SCNN1B: variants seen among roughly 807,000 people sequenced by gnomAD.
SCNN1B encodes epithelial sodium channel subunit beta.
SCNN1B carries 46 observed loss-of-function variants against 65.3 expected under a neutral mutation model. The observed-to-expected ratio is 0.70, with a 90% CI of 0.56 to 0.90. The LOEUF is 0.90. SCNN1B is among the 40% of genes least tolerant of loss of function. The pLI is 0.00. For missense variants in SCNN1B, 751 were observed against 830.5 expected (o/e 0.90, Z 1.18); for synonymous variants, 349 against 330.6 (o/e 1.06, Z -0.60).
chr16:23,339,000 A>C (rs1489042218), intron 1 of SCNN1B, among the ~76,000 whole-genome samples: 2 of 152,238 alleles, frequency 1.3e-5, no homozygotes, highest in African/African-American at 4.8e-5. Context: ...CATCGTCTCC[A>C]AAAGGCTCCC....
At chr16:23,346,557 C>G (rs1305165494) in intron 1 of SCNN1B, among the ~76,000 whole-genome samples, 1 of 152,036 alleles carries the variant, frequency 6.6e-6, no homozygotes, top group African/African-American at 2.4e-5. Flanking sequence ...TTGATGGCAT[C>G]ACACCCTCAT....
chr16:23,289,474 C>T (rs1960893235), intron 2 of SCNN1B, among the ~76,000 whole-genome samples: 1 of 151,780 alleles, frequency 6.6e-6, no homozygotes, highest in African/African-American at 2.4e-5. Flanking sequence ...TCGATTAAGC[C>T]CAGGAGTTTG....
intron 4 of SCNN1B, among the ~76,000 whole-genome samples, chr16:23,356,004 G>GGCT (rs1440153617): frequency 6.6e-6 from 1 of 152,188 alleles, no homozygotes; most frequent in East Asian, 1.9e-4. Flanking sequence ...GTAAAGTCTA[G>GGCT]GCTCAGCTTG....
At chr16:23,365,468 A>G (rs1252471812) in intron 4 of SCNN1B, among the ~76,000 whole-genome samples, 1 of 143,950 alleles carries the variant, frequency 6.9e-6, no homozygotes, top group Non-Finnish European at 1.5e-5. Flanking sequence ...AAAGAGAAAG[A>G]AAAGAGAGAA....
exon 2 of SCNN1B, chr16:23,283,744 G>C (rs909991344): frequency 1.3e-5 from 2 of 152,210 alleles, no homozygotes; most frequent in African/African-American, 2.4e-5. Flanking sequence ...CAGCTGAGAA[G>C]CCAAGCCGGA....
At chr16:23,325,151 A>G (rs1356367659) in intron 1 of SCNN1B, among the ~76,000 whole-genome samples, 1 of 152,226 alleles carries the variant, frequency 6.6e-6, no homozygotes, top group Non-Finnish European at 1.5e-5. Flanking sequence ...CTCCATCCCC[A>G]GCAGGACAGG....
At chr16:23,297,297 C>T (rs557407617) in intron 2 of SCNN1B, among the ~76,000 whole-genome samples, 5 of 152,166 alleles carry the variant, frequency 3.3e-5, no homozygotes, top group Non-Finnish European at 7.4e-5. Context: ...CCAGACATTC[C>T]AGTCTGTCAA....
intron 2 of SCNN1B, among the ~76,000 whole-genome samples, chr16:23,292,416 C>A (rs563900567): frequency 2.6e-5 from 4 of 152,014 alleles, no homozygotes; most frequent in Admixed American, 2.6e-4. Flanking sequence ...TCAGGATGGT[C>A]TCGATCTCCT....
chr16:23,323,459 C>A, intron 1 of SCNN1B: 1 of 692,050 alleles, frequency 1.4e-6, no homozygotes, highest in South Asian at 1.5e-5. Context: ...ACTGATCTCT[C>A]TCCATGCCAG....
chr16:23,371,647 C>T (rs1302793097), intron 6 of SCNN1B, 129 bp from the exon 7 acceptor site: 1 of 1,001,042 alleles, frequency 1.0e-6, no homozygotes, highest in Non-Finnish European at 1.6e-6. Flanking sequence ...CTGGCGCCCC[C>T]TCTGGCGCCC....
intron 10 of SCNN1B, among the ~76,000 whole-genome samples, chr16:23,378,411 G>A (rs569482362): frequency 1.1e-4 from 17 of 152,336 alleles, no homozygotes; most frequent in Middle Eastern, 6.8e-3. Flanking sequence ...CATGGGCAGA[G>A]CTGGGGAGGA....
Position 23,354,664 on chromosome 16 carries a change from A to G in SCNN1B, c.586-635A>G, listed in dbSNP as rs143902759. On this transcript the variant is annotated intron_variant, in intron 3 of 12. Transcript: ENST00000343070. ...TCTTCATGGCCTCCAGGGGAGCTGC[A>G]TCTGGAAGTCTCTGGCAGAGGCTGG... 2.9e-3 allele frequency among the ~76,000 whole-genome samples: 447 copies of G among 152,326 alleles called. 3 individuals carry two copies. Among genetic ancestry groups the G allele is most frequent in the Non-Finnish European group, 4.6e-3 (315 of 68,022 alleles).
chr16:23,325,325 G>A (rs1198560898), intron 1 of SCNN1B, among the ~76,000 whole-genome samples: 1 of 151,876 alleles, frequency 6.6e-6, no homozygotes, highest in Admixed American at 6.6e-5. Flanking sequence ...GGAGTACGGT[G>A]GTGCGATCTC....
intron 7 of SCNN1B, among the ~76,000 whole-genome samples, chr16:23,372,412 C>T (rs1962803692): frequency 1.3e-5 from 2 of 151,836 alleles, no homozygotes; most frequent in Admixed American, 1.3e-4. Context: ...GATGTAGATA[C>T]TATTATCATT....
intron 1 of SCNN1B, among the ~76,000 whole-genome samples, chr16:23,331,697 A>C (rs554751445): frequency 5.3e-5 from 8 of 152,234 alleles, no homozygotes; most frequent in African/African-American, 1.7e-4. Context: ...GCCTCATTTC[A>C]ACATATGAAT....
rs1194582496 is a variant in SCNN1B, at chr16:23,380,525, G to A, written c.1647G>A (p.Trp549Ter). 1 of 1,614,102 alleles carries A rather than the reference G, an allele frequency of 6.2e-7. No individual in the cohort carries two copies. The highest frequency in any genetic ancestry group is 1.3e-5 in the African/African-American group (1 of 74,930). ...GGGAGATCATCATCGACTTTGTGTGGATCACCATCATCAAGCTGGTGGCCT... is the reference window on the plus strand; with the variant it reads ...GGGAGATCATCATCGACTTTGTGTGAATCACCATCATCAAGCTGGTGGCCT... Reference protein sequence around the residue: ...EFGEIIIDFVWITIIKLVALA... With the variant: ...EFGEIIIDFV Residue 549 changes from tryptophan to a stop codon, truncating the protein, a stop_gained, in exon 13 of 13, where the codon TGG (tryptophan) becomes TGA (stop). Transcript: ENST00000343070. LOFTEE classifies it high-confidence loss of function. The surrounding 1 kb of genome is among the most constrained non-coding windows in gnomAD (Gnocchi z 5.4).
Position 23,380,663 on chromosome 16 carries a change from C to G in SCNN1B, c.1785C>G (p.Ala595=), listed in dbSNP as rs763868205. 1 of 1,612,620 alleles carries G rather than the reference C, an allele frequency of 6.2e-7. No homozygotes were observed. The highest frequency in any genetic ancestry group is 2.2e-5 in the East Asian group (1 of 44,860). ...HTNFGFQPDT[A]PRSPNTGPYP... ...ACTTTGGCTTCCAGCCTGACACGGC[C>G]CCCCGCAGCCCCAACACTGGGCCCT... The change falls in exon 13 of 13, where the codon GCC becomes GCG. Residue 595 remains alanine (A), a synonymous_variant. Coordinates refer to ENST00000343070, the MANE Select transcript of SCNN1B (RefSeq NM_000336.3). This position sits in a 1 kb window ranked among gnomAD's most constrained non-coding sequence, Gnocchi z 5.4.
At chr16:23,289,882 G>T (rs1310692784) in intron 2 of SCNN1B, among the ~76,000 whole-genome samples, 1 of 151,912 alleles carries the variant, frequency 6.6e-6, no homozygotes, top group Non-Finnish European at 1.5e-5. Flanking sequence ...CACCATGTTG[G>T]CCAGGCTGGT....
chr16:23,355,521 C>T (rs1466321464), intron 4 of SCNN1B, 32 bp downstream of exon 4: 2 of 1,608,412 alleles, frequency 1.2e-6, no homozygotes, highest in Non-Finnish European at 1.7e-6. Flanking sequence ...CCCGGCCAGG[C>T]CCTGGCACCG....
Sources: gnomAD v4.1 joint callset for allele counts (sites outside exome capture counted in the v4.1 genomes callset) on GRCh38, gnomAD v4.1.1 for gene constraint, Gnocchi (gnomAD v3.1) non-coding constraint, MANE v1.5 for transcripts, NCBI Gene and HGNC (gene_info 2026-07-23, HGNC 2026-07-21) for gene names.